The following PGCKA1 variants were observed in gnomAD, a reference collection of about 807,000 sequenced individuals.
PGCKA1 encodes the protein PDCD10 and GCKIII kinases associated 1, also known as PDCD10 and GCKIII kinases-associated protein 1.
the PGCKA1 span, among the ~76,000 whole-genome samples, chr4:37,585,548 AGGTGTT>A: frequency 3.6e-4 from 1 of 2,804 alleles, no homozygotes; most frequent in African/African-American, 5.6e-4. Flanking sequence ...GGGAGAGGAG[AGGTGTT>A]GAGGAAGGAG....
chr4:37,590,134 G>A, the PGCKA1 span: 10 of 1,614,194 alleles, frequency 6.2e-6, no homozygotes, highest in Admixed American at 1.3e-4. Flanking sequence ...CTATGTCAAT[G>A]AAGTCAACAG....
chr4:37,584,304 G>A, the PGCKA1 span: 3 of 152,220 alleles, frequency 2.0e-5, no homozygotes, highest in African/African-American at 7.2e-5. Flanking sequence ...GAAAACTCAG[G>A]GCGAGGTGAG....
At chr4:37,453,653 C>G in the PGCKA1 span, among the ~76,000 whole-genome samples, 1 of 152,078 alleles carries the variant, frequency 6.6e-6, no homozygotes, top group African/African-American at 2.4e-5. Flanking sequence ...TTGGAGTAAG[C>G]ACCCCGGAGT....
At chr4:37,557,846 C>G in the PGCKA1 span, among the ~76,000 whole-genome samples, 1 of 152,276 alleles carries the variant, frequency 6.6e-6, no homozygotes, top group South Asian at 2.1e-4. Context: ...CAAACCCCAG[C>G]CTGATAAATG....
At chr4:37,458,224 A>G in the PGCKA1 span, among the ~76,000 whole-genome samples, 3 of 152,208 alleles carry the variant, frequency 2.0e-5, no homozygotes, top group Non-Finnish European at 2.9e-5. Context: ...CAGAGTCCCA[A>G]TTCCTGGTTT....
At chr4:37,453,694 G>A in the PGCKA1 span, among the ~76,000 whole-genome samples, 5,688 of 151,988 alleles carry the variant, frequency 0.037, 128 homozygotes, top group Middle Eastern at 0.065. Context: ...TGGCGCGGTC[G>A]TTTGTGCTCA....
chr4:37,476,788 A>ATTTTC, the PGCKA1 span, among the ~76,000 whole-genome samples: 1 of 152,330 alleles, frequency 6.6e-6, no homozygotes, highest in South Asian at 2.1e-4. Context: ...AAACATGTTA[A>ATTTTC]AAATAATGAA....
chr4:37,570,017 T>C, the PGCKA1 span, among the ~76,000 whole-genome samples: 1 of 145,588 alleles, frequency 6.9e-6, no homozygotes, highest in Non-Finnish European at 1.5e-5. Flanking sequence ...TCTCGCTCTG[T>C]CGCCCCGGCT....
the PGCKA1 span, among the ~76,000 whole-genome samples, chr4:37,570,233 T>G: frequency 2.1e-5 from 3 of 144,958 alleles, no homozygotes; most frequent in Non-Finnish European, 4.5e-5. Context: ...CTCCTGACCT[T>G]TTGAGCCGCC....
At chr4:37,543,533 A>C in the PGCKA1 span, among the ~76,000 whole-genome samples, 1 of 151,956 alleles carries the variant, frequency 6.6e-6, no homozygotes, top group South Asian at 2.1e-4. Context: ...TATTCTGTTC[A>C]TTTCATCTCT....
the PGCKA1 span, among the ~76,000 whole-genome samples, chr4:37,583,861 G>A: frequency 6.6e-6 from 1 of 152,186 alleles, no homozygotes; most frequent in African/African-American, 2.4e-5. Context: ...CTCCAAAGAG[G>A]AAGCAAATTT....
the PGCKA1 span, among the ~76,000 whole-genome samples, chr4:37,461,803 G>A: frequency 6.6e-6 from 1 of 151,998 alleles, no homozygotes; most frequent in African/African-American, 2.4e-5. Flanking sequence ...TCCTTTAGCT[G>A]TCCTGTGAAG....
chr4:37,478,150 C>CG, the PGCKA1 span, among the ~76,000 whole-genome samples: 1 of 114,030 alleles, frequency 8.8e-6, no homozygotes, highest in African/African-American at 2.9e-5. Context: ...ACACCCCCCC[C>CG]CACCGCCACT....
At chr4:37,579,433 C>T in the PGCKA1 span, among the ~76,000 whole-genome samples, 1 of 152,206 alleles carries the variant, frequency 6.6e-6, no homozygotes, top group Non-Finnish European at 1.5e-5. Flanking sequence ...CTCCCTTTAG[C>T]ATTTCTTGTA....
At chr4:37,487,090 G>A in the PGCKA1 span, among the ~76,000 whole-genome samples, 32 of 152,138 alleles carry the variant, frequency 2.1e-4, no homozygotes, top group Non-Finnish European at 3.7e-4. Flanking sequence ...TGGTACGAGT[G>A]ACATCTTAAG....
chr4:37,566,112 T>C, the PGCKA1 span, among the ~76,000 whole-genome samples: 1 of 152,122 alleles, frequency 6.6e-6, no homozygotes, highest in South Asian at 2.1e-4. Context: ...TTACCTCCCC[T>C]TTACATATAT....
the PGCKA1 span, among the ~76,000 whole-genome samples, chr4:37,479,169 G>T: frequency 6.6e-6 from 1 of 152,080 alleles, no homozygotes; most frequent in African/African-American, 2.4e-5. Flanking sequence ...GTCTTTTCTG[G>T]GTTTGAAAGT....
chr4:37,539,478 A>G, the PGCKA1 span, among the ~76,000 whole-genome samples: 853 of 152,242 alleles, frequency 5.6e-3, 12 homozygotes, highest in African/African-American at 0.019. Flanking sequence ...CCAACATGGC[A>G]AAACCCCGTC....
the PGCKA1 span, among the ~76,000 whole-genome samples, chr4:37,579,401 C>T: frequency 0.094 from 14,291 of 152,160 alleles, 2,176 homozygotes; most frequent in African/African-American, 0.32. Context: ...TCATTAACAT[C>T]CCTTTCTTTC....
Sources: allele counts gnomAD v4.1 joint callset (sites outside exome capture counted in the v4.1 genomes callset), GRCh38; gene constraint gnomAD v4.1.1; transcripts MANE v1.5; gene names NCBI Gene and HGNC (gene_info 2026-07-23, HGNC 2026-07-21).